Variants in NDFIP2 observed in about 807,000 individuals in gnomAD.
The protein encoded by NDFIP2 is NEDD4 family-interacting protein 2.
Under a neutral mutation model 36.0 loss-of-function variants are expected in NDFIP2, and 19 were observed. The observed-to-expected ratio is 0.53, with a 90% CI of 0.37 to 0.77. The LOEUF (loss-of-function observed/expected upper bound fraction) is 0.77. NDFIP2 is among the 30% of genes least tolerant of loss of function. The probability of loss-of-function intolerance (pLI) is 0.00; values close to 1 mark genes in which losing one functional copy is unlikely to be tolerated. For synonymous variants in NDFIP2, 181 were observed against 167.7 expected (o/e 1.08, Z -0.61); for missense variants, 446 against 435.8 (o/e 1.02, Z -0.21).
At chr13:79,528,116 T>C (rs1173780262) in intron 2 of NDFIP2, among the ~76,000 whole-genome samples, 1 of 152,032 alleles carries the variant, frequency 6.6e-6, no homozygotes, top group African/African-American at 2.4e-5. Context: ...AAAAATTAGC[T>C]GGGTGTGGCA....
At chr13:79,506,847 A>G (rs1873886805) in intron 1 of NDFIP2, among the ~76,000 whole-genome samples, 1 of 152,128 alleles carries the variant, frequency 6.6e-6, no homozygotes, top group Admixed American at 6.5e-5. Flanking sequence ...TTTGAATTTA[A>G]TAACAAGGGA....
intron 2 of NDFIP2, among the ~76,000 whole-genome samples, chr13:79,527,207 C>T (rs1874837360): frequency 6.6e-6 from 1 of 152,102 alleles, no homozygotes; most frequent in African/African-American, 2.4e-5. Flanking sequence ...ATAGGGGAAT[C>T]ATTAAATACA....
At chr13:79,493,010 C>T (rs1473489698) in intron 1 of NDFIP2, among the ~76,000 whole-genome samples, 1 of 152,018 alleles carries the variant, frequency 6.6e-6, no homozygotes, top group Non-Finnish European at 1.5e-5. Flanking sequence ...CTGCTCTTTA[C>T]TTTCAAGTTC....
At chr13:79,531,127 C>A (rs1875000087) in intron 2 of NDFIP2, among the ~76,000 whole-genome samples, 2 of 152,228 alleles carry the variant, frequency 1.3e-5, no homozygotes, top group Non-Finnish European at 2.9e-5. Context: ...CACCATTAAT[C>A]TTCTTGTACA....
chr13:79,489,135 G>T (rs1342173556), intron 1 of NDFIP2, among the ~76,000 whole-genome samples: 2 of 152,208 alleles, frequency 1.3e-5, no homozygotes, highest in Admixed American at 1.3e-4. Flanking sequence ...AAGATTCCAT[G>T]GGTTGAGTGT....
intron 1 of NDFIP2, among the ~76,000 whole-genome samples, chr13:79,517,178 A>G (rs984992129): frequency 4.6e-5 from 7 of 152,130 alleles, no homozygotes; most frequent in Admixed American, 3.9e-4. Flanking sequence ...CATTAAAGAC[A>G]GTTTTGTTTT....
chr13:79,539,725 C>T lies in NDFIP2; in HGVS notation c.665C>T (p.Ala222Val). The T allele has an allele frequency of 6.2e-7, 1 of 1,613,766 alleles. No individual in the cohort carries two copies. The highest frequency in any genetic ancestry group is 1.7e-5 in the Admixed American group (1 of 60,018). Reference protein sequence around the residue: ...ECPPRDDFSDADQLRVGNDGI... With the variant: ...ECPPRDDFSDVDQLRVGNDGI... ...CCACCAAGAGATGACTTCAGTGATG[C>T]AGACCAGCTCAGAGTGGGGAATGAT... The change falls in exon 4 of 8, where the codon GCA becomes GTA. Residue 222 changes from alanine (A) to valine (V), a missense_variant. Ala to Val is a moderately conservative substitution (Grantham distance 64). Around this residue, in one of 2 missense-constraint regions of NDFIP2, gnomAD observed 369 missense variants for 304.8 expected, o/e 1.21. Transcript: ENST00000218652.
intron 2 of NDFIP2, among the ~76,000 whole-genome samples, chr13:79,526,865 C>T (rs1874816847): frequency 6.6e-6 from 1 of 152,182 alleles, no homozygotes; most frequent in Non-Finnish European, 1.5e-5. Context: ...GAGTAAATCA[C>T]ATCTGTAAAA....
chr13:79,493,052 T>C (rs1290783763), intron 1 of NDFIP2, among the ~76,000 whole-genome samples: 1 of 152,190 alleles, frequency 6.6e-6, no homozygotes, highest in Non-Finnish European at 1.5e-5. Context: ...GCACTTATCC[T>C]TGTTATAGCC....
intron 1 of NDFIP2, among the ~76,000 whole-genome samples, chr13:79,491,437 TGG>T: frequency 6.6e-6 from 1 of 152,296 alleles, no homozygotes; most frequent in Middle Eastern, 3.4e-3. Flanking sequence ...TCTCTCTGAA[TGG>T]TGTCCTTTAG....
chr13:79,497,095 A>G (rs896549107), intron 1 of NDFIP2, among the ~76,000 whole-genome samples: 3 of 151,976 alleles, frequency 2.0e-5, no homozygotes, highest in African/African-American at 7.2e-5. Context: ...TTTATTCTGG[A>G]TCTTCTGAAT....
intron 5 of NDFIP2, among the ~76,000 whole-genome samples, chr13:79,545,465 AGT>A (rs1401070524): frequency 1.3e-5 from 2 of 152,200 alleles, no homozygotes; most frequent in Non-Finnish European, 2.9e-5. Context: ...AGGACTGTTT[AGT>A]TTCCCTTAAA....
chr13:79,501,097 A>G (rs1423467058), intron 1 of NDFIP2, among the ~76,000 whole-genome samples: 1 of 152,066 alleles, frequency 6.6e-6, no homozygotes, highest in Non-Finnish European at 1.5e-5. Context: ...TTTAAACTGT[A>G]TGACATTCTG....
In NDFIP2 at chr13:79,501,078, A is replaced by G. The variant is rs575328402; in HGVS notation, c.321+19554A>G. Among the ~76,000 whole-genome samples, 27 of 152,174 alleles carry G rather than the reference A, an allele frequency of 1.8e-4. No individual in the cohort carries two copies. In the South Asian group the frequency reaches 5.2e-3, roughly 29 times the overall value. On this transcript the variant is annotated intron_variant, in intron 1 of 7. Coordinates refer to ENST00000218652, the MANE Select transcript of NDFIP2 (RefSeq NM_019080.3). Reference sequence around the variant, plus strand: ...AGAAGCCAGTCTGAAAAGGCTGTATACTATGTGATTTAAACTGTATGACAT... The same window carrying G: ...AGAAGCCAGTCTGAAAAGGCTGTATGCTATGTGATTTAAACTGTATGACAT...
rs553818731 is a variant in NDFIP2 at position 79,493,783 on chromosome 13, TATC to T, written c.321+12263_321+12265del. ...GAATGGTATAGCTTAAAAAGTCTGG[TATC>T]ATCTAGCTACAATGAACCCAGCCAA... On this transcript the variant is annotated intron_variant, in intron 1 of 7. Transcript: ENST00000218652. Among the ~76,000 whole-genome samples the T allele has an allele frequency of 4.6e-3, 702 of 152,244 alleles. 11 individuals carry two copies. The highest frequency in any genetic ancestry group is 0.024 in the South Asian group (116 of 4,828).
intron 1 of NDFIP2, among the ~76,000 whole-genome samples, chr13:79,504,869 A>G (rs550261005): frequency 1.3e-5 from 2 of 152,164 alleles, no homozygotes; most frequent in South Asian, 4.1e-4. Flanking sequence ...CCATCTATTC[A>G]TTTATATCAG....
chr13:79,546,531 T>C (rs545658146), intron 5 of NDFIP2, among the ~76,000 whole-genome samples: 1 of 152,326 alleles, frequency 6.6e-6, no homozygotes, highest in South Asian at 2.1e-4. Flanking sequence ...ATCAACATGA[T>C]TGGTTTACTT....
In NDFIP2 at chr13:79,491,207, A is replaced by G. The variant is rs571796700; in HGVS notation, c.321+9683A>G. Among the ~76,000 whole-genome samples the G allele has an allele frequency of 2.6e-5, 4 of 152,274 alleles. No individual in the cohort carries two copies. The South Asian group carries it at 8.3e-4, about 32-fold the overall frequency. On this transcript the variant is annotated intron_variant, in intron 1 of 7. Coordinates refer to ENST00000218652, the MANE Select transcript of NDFIP2 (RefSeq NM_019080.3). ...CTGTATATATCTTTCCATACCTGCC[A>G]TATGGTAGACTTTCAGTATTTGATA...
intron 3 of NDFIP2, among the ~76,000 whole-genome samples, chr13:79,535,329 G>A (rs1206668371): frequency 6.6e-6 from 1 of 152,106 alleles, no homozygotes; most frequent in Non-Finnish European, 1.5e-5. Context: ...TAAAGACAAG[G>A]TAGGAAGCAT....
Sources: gnomAD v4.1 joint callset for allele counts (sites outside exome capture counted in the v4.1 genomes callset) on GRCh38, gnomAD v4.1.1 for gene constraint, gnomAD v4.1.1 regional missense constraint, MANE v1.5 for transcripts, NCBI Gene and HGNC (gene_info 2026-07-23, HGNC 2026-07-21) for gene names.